The following CNTN4 variants were observed in gnomAD, a reference collection of about 807,000 sequenced individuals.
CNTN4 encodes the protein contactin 4, also known as contactin-4.
CNTN4 carries 77 observed loss-of-function variants against 122.5 expected under a neutral mutation model. That is an observed-to-expected ratio of 0.63 (90% CI 0.52 to 0.76). CNTN4 has a LOEUF of 0.76. CNTN4 is among the 30% of genes least tolerant of loss of function. The pLI is 0.00. For synonymous variants in CNTN4, 512 were observed against 447.0 expected, an observed-to-expected ratio of 1.15 and a Z score of -1.83; for missense variants, 1,256 against 1,259.1, an observed-to-expected ratio of 1.00 and a Z score of 0.04.
At chr3:3,048,984 G>A (rs1700972754) in intron 23 of CNTN4, among the ~76,000 whole-genome samples, 1 of 152,204 alleles carries the variant, frequency 6.6e-6, no homozygotes, top group South Asian at 2.1e-4. Flanking sequence ...ACTACCTGCA[G>A]GGCCAGGCAG....
rs111643297 is a variant in CNTN4, at chr3:2,443,480, T to G, written c.-89+104247T>G. Among the ~76,000 whole-genome samples, 880 of 152,316 alleles carry G rather than the reference T, an allele frequency of 5.8e-3. 9 individuals carry two copies. Among genetic ancestry groups the G allele is most frequent in the African/African-American group, 0.02 (847 of 41,588 alleles). On this transcript the variant is annotated intron_variant, in intron 3 of 24. Transcript: ENST00000418658. ...CTTTAACCACCAGGGCGACTGCCCTTTTATTAGTTTCTTAGCGTTAGTTCT... is the reference window on the plus strand; with the variant it reads ...CTTTAACCACCAGGGCGACTGCCCTGTTATTAGTTTCTTAGCGTTAGTTCT...
intron 3 of CNTN4, among the ~76,000 whole-genome samples, chr3:2,474,349 T>C (rs1196967246): frequency 6.6e-6 from 1 of 152,162 alleles, no homozygotes; most frequent in Non-Finnish European, 1.5e-5. Flanking sequence ...CAATAAACTT[T>C]TGATTAATTA....
chr3:3,017,100 G>A (rs921534451), intron 14 of CNTN4, among the ~76,000 whole-genome samples: 14 of 152,146 alleles, frequency 9.2e-5, no homozygotes, highest in African/African-American at 1.7e-4. Flanking sequence ...CACCTAAAAG[G>A]GCAGACTTCC....
intron 4 of CNTN4, among the ~76,000 whole-genome samples, chr3:2,579,974 A>G (rs1388621227): frequency 1.3e-5 from 2 of 152,138 alleles, no homozygotes; most frequent in African/African-American, 2.4e-5. Flanking sequence ...GACCTTATCT[A>G]TACAATGGTG....
At chr3:3,038,395 T>A (rs559690307) in intron 18 of CNTN4, among the ~76,000 whole-genome samples, 2 of 152,252 alleles carry the variant, frequency 1.3e-5, no homozygotes, top group East Asian at 3.9e-4. Context: ...AAACTCTTCC[T>A]CCCAGAAGCC....
intron 2 of CNTN4, among the ~76,000 whole-genome samples, chr3:2,154,338 C>T (rs1057081759): frequency 2.7e-5 from 4 of 150,410 alleles, no homozygotes; most frequent in African/African-American, 7.4e-5. Context: ...GTGAGCCAGT[C>T]GTGCCTGCAC....
intron 4 of CNTN4, among the ~76,000 whole-genome samples, chr3:2,580,899 A>G (rs1382891794): frequency 6.6e-6 from 1 of 152,226 alleles, no homozygotes; most frequent in Non-Finnish European, 1.5e-5. Context: ...CAGAGCTTGT[A>G]GAAGTCCAAG....
chr3:2,703,471 TAAAATC>T (rs1312922291), intron 4 of CNTN4, among the ~76,000 whole-genome samples: 2 of 152,168 alleles, frequency 1.3e-5, no homozygotes, highest in African/African-American at 2.4e-5. Context: ...TTTTTTAACT[TAAAATC>T]AAATCTCAGA....
chr3:2,747,155 A>C (rs867143945), intron 6 of CNTN4, among the ~76,000 whole-genome samples: 1 of 152,148 alleles, frequency 6.6e-6, no homozygotes, highest in African/African-American at 2.4e-5. Flanking sequence ...CACGCCTGTA[A>C]TCCCAGCATT....
At chr3:2,195,711 G>C (rs2037804177) in intron 2 of CNTN4, among the ~76,000 whole-genome samples, 1 of 152,096 alleles carries the variant, frequency 6.6e-6, no homozygotes, top group Non-Finnish European at 1.5e-5. Flanking sequence ...TGTCACTCTG[G>C]GAATCACATG....
In CNTN4 at chr3:2,358,676, A is replaced by G. The variant is rs990003686; in HGVS notation, c.-89+19443A>G. On this transcript the variant is annotated intron_variant, in intron 3 of 24. Coordinates refer to ENST00000418658, the MANE Select transcript of CNTN4 (RefSeq NM_175607.3). ...TATAAGTGAGAATTAATGGCAAATA[A>G]TGGCAACACAAATCAGTACTAAAGT... is the stretch of plus-strand genomic sequence containing the variant. Among the ~76,000 whole-genome samples, 7 of 152,176 alleles carry G rather than the reference A, an allele frequency of 4.6e-5. 1 individual carries two copies. Among genetic ancestry groups the G allele is most frequent in the Admixed American group, 4.6e-4 (7 of 15,268 alleles).
At chr3:2,821,204 A>G (rs1465360071) in intron 7 of CNTN4, among the ~76,000 whole-genome samples, 4 of 151,738 alleles carry the variant, frequency 2.6e-5, no homozygotes, top group African/African-American at 7.3e-5. Flanking sequence ...TGATCCACCC[A>G]CCTTGGCCTC....
chr3:2,499,241 A>T (rs1234939689), intron 3 of CNTN4, among the ~76,000 whole-genome samples: 1 of 152,184 alleles, frequency 6.6e-6, no homozygotes, highest in African/African-American at 2.4e-5. Context: ...TTAGGTTGAT[A>T]TTCATTTGTC....
intron 3 of CNTN4, among the ~76,000 whole-genome samples, chr3:2,489,536 T>C (rs879622232): frequency 6.6e-6 from 1 of 152,186 alleles, no homozygotes; most frequent in Non-Finnish European, 1.5e-5. Context: ...GTTTCCAAAG[T>C]ACAATGTTCT....
chr3:2,421,333 A>G (rs1182150646), intron 3 of CNTN4, among the ~76,000 whole-genome samples: 1 of 150,666 alleles, frequency 6.6e-6, no homozygotes, highest in Admixed American at 6.6e-5. Flanking sequence ...GCTCAGTGCA[A>G]CCTCTACTCA....
At chr3:2,474,848 G>T (rs1466430005) in intron 3 of CNTN4, among the ~76,000 whole-genome samples, 2 of 151,990 alleles carry the variant, frequency 1.3e-5, no homozygotes, top group Non-Finnish European at 2.9e-5. Context: ...TTTCATTGTA[G>T]GTATCCAACA....
intron 2 of CNTN4, among the ~76,000 whole-genome samples, chr3:2,240,440 G>C (rs1026896240): frequency 6.6e-6 from 1 of 151,984 alleles, no homozygotes; most frequent in African/African-American, 2.4e-5. Flanking sequence ...ACCAACAGCA[G>C]ATATCAAATG....
At chr3:2,794,528 G>A (rs1025066174) in intron 6 of CNTN4, among the ~76,000 whole-genome samples, 5 of 152,178 alleles carry the variant, frequency 3.3e-5, no homozygotes, top group Middle Eastern at 3.2e-3. Flanking sequence ...GCATAAGACA[G>A]TGGAGTAGAA....
chr3:3,024,909 C>T (rs28662933), intron 14 of CNTN4, among the ~76,000 whole-genome samples: 13,900 of 152,098 alleles, frequency 0.091, 718 homozygotes, highest in Admixed American at 0.11. Context: ...TGCAATCCCG[C>T]GACTATGGGA....
Sources: gnomAD v4.1 joint callset for allele counts (sites outside exome capture counted in the v4.1 genomes callset) on GRCh38, gnomAD v4.1.1 for gene constraint, MANE v1.5 for transcripts, NCBI Gene and HGNC (gene_info 2026-07-23, HGNC 2026-07-21) for gene names.